The following NCOR2 variants were observed in gnomAD, a reference collection of about 807,000 sequenced individuals.
The protein encoded by NCOR2 is nuclear receptor corepressor 2.
NCOR2 carries 81 observed loss-of-function variants against 262.9 expected under a neutral mutation model. That is an observed-to-expected ratio of 0.31 (90% CI 0.26 to 0.37). The LOEUF (loss-of-function observed/expected upper bound fraction) is 0.37, where lower values mean the gene tolerates loss of function less well. Ranked by LOEUF, NCOR2 falls within the 10% of genes least tolerant of loss-of-function variation. NCOR2 has a pLI of 1.00. For synonymous variants in NCOR2, 1,659 were observed against 1,559.3 expected, an observed-to-expected ratio of 1.06 and a Z score of -1.51; for missense variants, 3,385 against 3,621.4, an observed-to-expected ratio of 0.93 and a Z score of 1.68.
chr12:124,562,732 G>A (rs570043171), intron 1 of NCOR2, among the ~76,000 whole-genome samples: 19 of 152,304 alleles, frequency 1.2e-4, no homozygotes, highest in Non-Finnish European at 2.8e-4. Flanking sequence ...CTGGGGCTCT[G>A]GAAAAGAGAC....
chr12:124,412,394 T>A (rs564863757), intron 13 of NCOR2, among the ~76,000 whole-genome samples: 6 of 152,328 alleles, frequency 3.9e-5, no homozygotes, highest in African/African-American at 1.4e-4. Flanking sequence ...TGGTTAAGCA[T>A]TCGGGTGGCC....
chr12:124,529,496 A>G (rs575483257), intron 1 of NCOR2, among the ~76,000 whole-genome samples: 31 of 152,332 alleles, frequency 2.0e-4, no homozygotes, highest in African/African-American at 6.5e-4. Context: ...AAATAAAAAA[A>G]TAAATAACAA....
Position 124,517,044 on chromosome 12 carries a change from G to T in NCOR2, c.-118+18521C>A, listed in dbSNP as rs931298910. Among the ~76,000 whole-genome samples the T allele has an allele frequency of 6.6e-6, 1 of 152,072 alleles. No homozygotes were observed. Among genetic ancestry groups the T allele is most frequent in the Non-Finnish European group, 1.5e-5 (1 of 68,016 alleles). On this transcript the variant is annotated intron_variant, in intron 1 of 46. Transcript: ENST00000404621. The surrounding 1 kb of genome is among the most constrained non-coding windows in gnomAD (Gnocchi z 7.6). ...TCCAACCAGGACAGGAACCCAGGCA[G>T]TCTGCCCCGCGTTCCCCCTAAAACT...
intron 1 of NCOR2, among the ~76,000 whole-genome samples, chr12:124,554,912 T>C (rs1046194361): frequency 6.6e-6 from 1 of 152,094 alleles, no homozygotes; most frequent in African/African-American, 2.4e-5. Flanking sequence ...CGGAGGGGAA[T>C]GGGTTGGGTC....
Position 124,341,839 on chromosome 12 carries a change from G to T in NCOR2, c.5172C>A (p.Tyr1724Ter). 1 of 1,606,130 alleles carries T rather than the reference G, an allele frequency of 6.2e-7. No homozygotes were observed. The stretch of plus-strand genomic sequence containing the variant: ...CCCACTCACCTCGGGGACCCGCAGC[G>T]TAGTTGAGTGCCAGCGAGGACTCGC... Residue 1724 changes from tyrosine to a stop codon, truncating the protein, a stop_gained, in exon 34 of 47, where the codon TAC (tyrosine) becomes TAA (stop). Coordinates refer to ENST00000405201, the Ensembl canonical transcript of NCOR2. LOFTEE classifies it high-confidence loss of function.
At chr12:124,479,325 C>T (rs993589595) in intron 3 of NCOR2, among the ~76,000 whole-genome samples, 5 of 151,924 alleles carry the variant, frequency 3.3e-5, no homozygotes, top group East Asian at 3.9e-4. Flanking sequence ...CATGCACACA[C>T]GTGCGCACAC....
At chr12:124,462,420 C>T (rs1014482866) in intron 5 of NCOR2, among the ~76,000 whole-genome samples, 7 of 152,260 alleles carry the variant, frequency 4.6e-5, no homozygotes, top group African/African-American at 1.2e-4. Context: ...ACGGCCTACC[C>T]GGAGCTTCAG....
chr12:124,488,755 CCAG>C (rs2047914849), intron 1 of NCOR2, among the ~76,000 whole-genome samples: 1 of 152,188 alleles, frequency 6.6e-6, no homozygotes, highest in African/African-American at 2.4e-5. Flanking sequence ...TCCTCTCCAC[CCAG>C]CTCTCCCATA....
chr12:124,335,834 G>A lies in NCOR2; in HGVS notation c.6116-202C>T. The A allele has an allele frequency of 5.1e-6, 3 of 592,524 alleles. No homozygotes were observed. The South Asian group carries it at 6.6e-5, about 13-fold the overall frequency. The allele number at this position is 592,524 out of a possible 1,614,324, so 36.7% of individuals were successfully genotyped here. On this transcript the variant is annotated intron_variant, in intron 38 of 46. Coordinates refer to ENST00000405201, the Ensembl canonical transcript of NCOR2. ...GGAGGCCAAGGGAGAGGTGGAGAGA[G>A]ATGCAGAGCCCGGGACAGAGACAGA... is the stretch of plus-strand genomic sequence containing the variant.
exon 17 of NCOR2, chr12:124,385,777 C>T (rs1213658143): frequency 1.9e-6 from 3 of 1,613,998 alleles, no homozygotes; most frequent in East Asian, 2.2e-5. Context: ...AAGATCTCAT[C>T]GAGGTTCTGC....
rs2051654471 is a variant in NCOR2, at chr12:124,549,752, C to T, written c.-164-14141G>A. 6.6e-6 allele frequency among the ~76,000 whole-genome samples: 1 copy of T among 152,186 alleles called. No individual in the cohort carries two copies. Among genetic ancestry groups the T allele is most frequent in the South Asian group, 2.1e-4 (1 of 4,828 alleles). The stretch of plus-strand genomic sequence containing the variant: ...AGCGCCTCGCCGTATCACCAGCAAC[C>T]CCTCAAGATAACCTTATCACGTTTC... On this transcript the variant is annotated intron_variant, in intron 1 of 32. Coordinates refer to the NCOR2 transcript ENST00000458234. The surrounding 1 kb of genome is among the most constrained non-coding windows in gnomAD (Gnocchi z 4.4).
exon 32 of NCOR2, chr12:124,344,937 C>T (rs749631214): frequency 1.3e-6 from 2 of 1,551,086 alleles, no homozygotes; most frequent in Non-Finnish European, 1.7e-6. Context: ...CGGTGTCGTA[C>T]TTGAGCGGGG....
At chr12:124,359,480 C>T (rs920680529) in intron 22 of NCOR2, among the ~76,000 whole-genome samples, 2 of 152,230 alleles carry the variant, frequency 1.3e-5, no homozygotes, top group Non-Finnish European at 2.9e-5. Context: ...TGTGCCCTGG[C>T]GAGGTGGGCA....
intron 13 of NCOR2, among the ~76,000 whole-genome samples, chr12:124,419,345 T>C (rs558749701): frequency 1.3e-5 from 2 of 152,306 alleles, no homozygotes; most frequent in South Asian, 2.1e-4. Context: ...CATGGTAATA[T>C]GTAAACAAAC....
intron 16 of NCOR2, among the ~76,000 whole-genome samples, chr12:124,387,867 G>T (rs1049862913): frequency 6.6e-6 from 1 of 152,208 alleles, no homozygotes; most frequent in African/African-American, 2.4e-5. Context: ...GAGGGCGAGA[G>T]GGGGCGGGTC....
chr12:124,444,440 G>C (rs968180191), intron 7 of NCOR2, among the ~76,000 whole-genome samples: 1 of 152,192 alleles, frequency 6.6e-6, no homozygotes, highest in Non-Finnish European at 1.5e-5. Flanking sequence ...AGGGGAGTCC[G>C]GTTGGACCCT....
chr12:124,455,961 G>C (rs145418173), intron 6 of NCOR2, among the ~76,000 whole-genome samples: 1 of 152,292 alleles, frequency 6.6e-6, no homozygotes, highest in Non-Finnish European at 1.5e-5. Flanking sequence ...CCGCAGCCTT[G>C]AACTCCAGGG....
At chr12:124,460,663 T>C (rs541093497) in intron 5 of NCOR2, among the ~76,000 whole-genome samples, 1 of 152,322 alleles carries the variant, frequency 6.6e-6, no homozygotes, top group East Asian at 1.9e-4. Context: ...CAGTAACCTG[T>C]TTCTGGGGTG....
chr12:124,405,310 C>G (rs1488833370), intron 13 of NCOR2, among the ~76,000 whole-genome samples: 1 of 152,248 alleles, frequency 6.6e-6, no homozygotes, highest in Non-Finnish European at 1.5e-5. Context: ...ATCCTGGCAC[C>G]AAGCCTTGCC....
Sources: allele counts gnomAD v4.1 joint callset (sites outside exome capture counted in the v4.1 genomes callset), GRCh38; gene constraint gnomAD v4.1.1; non-coding constraint Gnocchi (gnomAD v3.1); transcripts MANE v1.5; gene names NCBI Gene and HGNC (gene_info 2026-07-23, HGNC 2026-07-21).